The following VWA3B variants were observed in gnomAD, a reference collection of about 807,000 sequenced individuals.
The protein encoded by VWA3B is von Willebrand factor A domain containing 3B.
In VWA3B, 138 loss-of-function variants were observed where a neutral mutation model predicts 158.3. The observed-to-expected ratio is 0.87, with a 90% confidence interval of 0.76 to 1.00. The LOEUF (loss-of-function observed/expected upper bound fraction) is 1.00. Ranked by LOEUF, VWA3B falls within the 50% of genes least tolerant of loss-of-function variation. The pLI, the probability that VWA3B is intolerant of heterozygous loss-of-function variation, is 0.00. For synonymous variants in VWA3B, 596 were observed against 587.3 expected, an observed-to-expected ratio of 1.01 and a Z score of -0.21; for missense variants, 1,555 against 1,565.1, an observed-to-expected ratio of 0.99 and a Z score of 0.11.
At chr2:98,308,230 G>A (rs908716233) in intron 26 of VWA3B, among the ~76,000 whole-genome samples, 2 of 152,178 alleles carry the variant, frequency 1.3e-5, no homozygotes, top group African/African-American at 4.8e-5. Context: ...AGCTAGGCGG[G>A]TGCAGATTTT....
chr2:98,111,299 A>G (rs965921645), intron 2 of VWA3B, among the ~76,000 whole-genome samples: 5 of 152,234 alleles, frequency 3.3e-5, no homozygotes, highest in African/African-American at 1.2e-4. Flanking sequence ...GATGAGTAGT[A>G]TTCCATAGTC....
At chr2:98,105,764 AT>A (rs36103624) in intron 2 of VWA3B, among the ~76,000 whole-genome samples, 11 of 148,478 alleles carry the variant, frequency 7.4e-5, no homozygotes, top group Admixed American at 1.3e-4. Context: ...CAAATGGTTC[AT>A]TTTTTTTTTA....
chr2:98,186,914 G>A (rs554125362), intron 9 of VWA3B, among the ~76,000 whole-genome samples: 42 of 152,150 alleles, frequency 2.8e-4, no homozygotes, highest in Non-Finnish European at 1.6e-4. Flanking sequence ...CAGGCTTTAC[G>A]GGACCTGCTC....
intron 21 of VWA3B, 107 bp downstream of exon 21, chr2:98,256,281 A>G: frequency 7.9e-7 from 1 of 1,258,512 alleles, no homozygotes. Context: ...AATATTCAAA[A>G]TGTTCTGCAA....
Position 98,311,801 on chromosome 2 carries a change from A to T in VWA3B, c.3522-18A>T, listed in dbSNP as rs987644949. 2 of 1,572,822 alleles carry T rather than the reference A, an allele frequency of 1.3e-6. No homozygotes were observed. The highest frequency in any genetic ancestry group is 2.4e-5 in the South Asian group (2 of 83,742). ...CAGCCATCAAGGCAGGGTAACCCTG[A>T]TCTCTCTCTGTCTCTAGAGAGGATG... On this transcript the variant is annotated intron_variant, in intron 26 of 27. Coordinates refer to ENST00000477737, the MANE Select transcript of VWA3B (RefSeq NM_144992.5).
rs1275519734 is a variant in VWA3B, at chr2:98,256,011, GGCTCAGT to G, written c.2793-111_2793-105del. The stretch of plus-strand genomic sequence containing the variant: ...GTCTTTAAGCACATGACAGTGGCCT[GGCTCAGT>G]GGAGATGATGCTTAGATGGGCTCCC... On this transcript the variant is annotated intron_variant, in intron 20 of 27. Coordinates refer to ENST00000477737, the MANE Select transcript of VWA3B (RefSeq NM_144992.5). 3 of 1,132,424 alleles carry G rather than the reference GGCTCAGT, an allele frequency of 2.6e-6. No homozygotes were observed. The African/African-American group carries it at 4.7e-5, about 18-fold the overall frequency. 70.1% of individuals were successfully genotyped at this position (1,132,424 alleles called of 1,614,324 possible).
At position 98,295,324 on chromosome 2, in the gene VWA3B, C is replaced by T. The variant is rs147804298; in HGVS notation, c.3158-2583C>T. 8.5e-5 allele frequency among the ~76,000 whole-genome samples: 13 copies of T among 152,288 alleles called. No individual in the cohort carries two copies. The East Asian group carries it at 2.5e-3, about 29-fold the overall frequency. On this transcript the variant is annotated intron_variant, in intron 23 of 27. Transcript: ENST00000477737. The stretch of plus-strand genomic sequence containing the variant: ...AAAAAAAAGAAAATCCAGTCTCCAG[C>T]CTGACAAAACCTATTTGGAGCAAAG...
Position 98,236,430 on chromosome 2 carries a change from A to G in VWA3B, c.2469A>G (p.Lys823=), listed in dbSNP as rs1293968438. 2.5e-6 allele frequency: 4 copies of G among 1,614,100 alleles called. No individual in the cohort carries two copies. The Admixed American group carries it at 6.7e-5, about 27-fold the overall frequency. ...ILLAEEWLDD[K]SSEKVTREGS... ...TGGCTGAGGAGTGGCTGGATGACAA[A>G]TCGTCAGAAAAGGTGACGCGAGAAG... Residue 823 remains lysine, a synonymous_variant, in exon 18 of 28, where the codon AAA becomes AAG. Transcript: ENST00000477737.
At chr2:98,206,065 C>T (rs1005427926) in intron 12 of VWA3B, 1 of 152,214 alleles carries the variant, frequency 6.6e-6, no homozygotes, top group African/African-American at 2.4e-5. Context: ...TTCAATTCCT[C>T]TCCGTCCTTG....
chr2:98,255,000 GTGTTTTTTGTTTT>G (rs1033820076), intron 20 of VWA3B, among the ~76,000 whole-genome samples: 2 of 151,650 alleles, frequency 1.3e-5, no homozygotes, highest in Admixed American at 6.6e-5. Flanking sequence ...TATGGAAGCA[GTGTTTTTTGTTTT>G]TGTTTTTTGT....
chr2:98,119,597 C>T lies in VWA3B; in HGVS notation c.376C>T (p.Leu126Phe), dbSNP rs369775534. The T allele has an allele frequency of 1.9e-6, 3 of 1,614,050 alleles. No individual in the cohort carries two copies. The highest frequency in any genetic ancestry group is 2.5e-6 in the Non-Finnish European group (3 of 1,180,010). The change falls in exon 4 of 28, where the codon CTC becomes TTC. Residue 126 changes from leucine (L) to phenylalanine (F), a missense_variant. Transcript: ENST00000477737. ...VESYKQRMDW[L>F]TSKSRQIFGV... Reference sequence around the variant, plus strand: ...GAGCTACAAGCAGCGAATGGACTGGCTCACCAGCAAGAGCCGGCAGATTTT... The same window carrying T: ...GAGCTACAAGCAGCGAATGGACTGGTTCACCAGCAAGAGCCGGCAGATTTT...
chr2:98,206,636 G>T (rs1029932233), intron 12 of VWA3B: 4 of 379,250 alleles, frequency 1.1e-5, no homozygotes, highest in African/African-American at 4.2e-5. Context: ...GAAACAGTTT[G>T]CTCCCATTTA....
chr2:98,216,982 A>ACC (rs139373261), intron 13 of VWA3B: 68,271 of 1,217,230 alleles, frequency 0.056, 1,609 homozygotes, highest in Middle Eastern at 0.092. Context: ...CATTGTAAGC[A>ACC]CCCGCCCCGC....
At chr2:98,273,742 A>G (rs533107664) in intron 22 of VWA3B, among the ~76,000 whole-genome samples, 2 of 152,312 alleles carry the variant, frequency 1.3e-5, no homozygotes, top group African/African-American at 4.8e-5. Flanking sequence ...TTGAACGAGG[A>G]TGACAGACCA....
chr2:98,103,596 T>C (rs1333647521), intron 2 of VWA3B, among the ~76,000 whole-genome samples: 2 of 152,186 alleles, frequency 1.3e-5, no homozygotes, highest in African/African-American at 4.8e-5. Context: ...GTACTTGTTT[T>C]TGTTGGATTA....
intron 2 of VWA3B, 150 bp downstream of exon 2, chr2:98,093,438 C>T (rs1682496116): frequency 3.0e-6 from 2 of 676,182 alleles, no homozygotes; most frequent in Non-Finnish European, 5.0e-6. Flanking sequence ...GCACGTGTGC[C>T]CCCAATATAT....
chr2:98,252,656 C>A, intron 20 of VWA3B, among the ~76,000 whole-genome samples: 1 of 152,158 alleles, frequency 6.6e-6, no homozygotes, highest in South Asian at 2.1e-4. Context: ...CCCTTTCACT[C>A]CTGACTCTGC....
At chr2:98,180,455 G>A (rs1019871008) in intron 8 of VWA3B, among the ~76,000 whole-genome samples, 2 of 152,378 alleles carry the variant, frequency 1.3e-5, no homozygotes, top group Non-Finnish European at 2.9e-5. Flanking sequence ...GCCTCCCAAA[G>A]TGTTGGGATT....
chr2:98,118,812 G>A (rs922317904), intron 3 of VWA3B, among the ~76,000 whole-genome samples: 1 of 152,182 alleles, frequency 6.6e-6, no homozygotes, highest in Admixed American at 6.5e-5. Flanking sequence ...ATTTTTTCTT[G>A]TTCCTTGTCT....
Sources: gnomAD v4.1 joint callset for allele counts (sites outside exome capture counted in the v4.1 genomes callset) on GRCh38, gnomAD v4.1.1 for gene constraint, MANE v1.5 for transcripts, NCBI Gene and HGNC (gene_info 2026-07-23, HGNC 2026-07-21) for gene names.